Variants in TSHZ2 observed in about 807,000 individuals in gnomAD.
TSHZ2 encodes teashirt homolog 2.
TSHZ2 carries 21 observed loss-of-function variants against 74.4 expected under a neutral mutation model. The ratio of observed to expected loss-of-function variants is 0.28; its 90% CI spans 0.20 to 0.41. TSHZ2 has a LOEUF of 0.41. Among genes scored for constraint, TSHZ2 ranks in the 10% least tolerant of loss-of-function variants. The pLI, the probability that TSHZ2 is intolerant of heterozygous loss-of-function variation, is 1.00. For synonymous variants in TSHZ2, 540 were observed against 515.3 expected, an observed-to-expected ratio of 1.05 and a Z score of -0.65; for missense variants, 1,244 against 1,293.5, an observed-to-expected ratio of 0.96 and a Z score of 0.59.
intron 1 of TSHZ2, among the ~76,000 whole-genome samples, chr20:53,171,883 G>C (rs1196869820): frequency 6.6e-6 from 1 of 152,070 alleles, no homozygotes; most frequent in Non-Finnish European, 1.5e-5. Flanking sequence ...TAAGAAAAGG[G>C]CTTTCCCCCT....
Position 53,255,587 on chromosome 20 carries a change from C to T in TSHZ2, c.2129C>T (p.Thr710Met), listed in dbSNP as rs199692635. Residue 710 changes from threonine (T) to methionine (M), a missense_variant, in exon 2 of 3, where the codon ACG (threonine) becomes ATG (methionine). Transcript: ENST00000371497. This position sits in a 1 kb window ranked among gnomAD's most constrained non-coding sequence, Gnocchi z 4.1. ...SVLNNHLGKA[T>M]EPLRSPSCSS... Reference sequence around the variant, plus strand: ...CTGAACAATCACTTGGGCAAAGCCACGGAGCCCTTGCGCTCACCTTCCTGC... The same window carrying T: ...CTGAACAATCACTTGGGCAAAGCCATGGAGCCCTTGCGCTCACCTTCCTGC... 61 of 1,582,932 alleles carry T rather than the reference C, an allele frequency of 3.9e-5. No individual in the cohort carries two copies. In the East Asian group the frequency reaches 9.2e-4, roughly 24 times the overall value.
chr20:53,346,774 A>T (rs1369550268), intron 2 of TSHZ2, among the ~76,000 whole-genome samples: 1 of 152,228 alleles, frequency 6.6e-6, no homozygotes, highest in African/African-American at 2.4e-5. Flanking sequence ...TCCTACTTTT[A>T]GATATTCTGT....
At chr20:53,210,630 G>A (rs1989281420) in intron 1 of TSHZ2, among the ~76,000 whole-genome samples, 1 of 151,898 alleles carries the variant, frequency 6.6e-6, no homozygotes, top group Non-Finnish European at 1.5e-5. Context: ...ACGACTACAG[G>A]ATGGGGGATA....
At chr20:53,291,231 G>A (rs533623300) in intron 2 of TSHZ2, among the ~76,000 whole-genome samples, 1 of 152,288 alleles carries the variant, frequency 6.6e-6, no homozygotes, top group African/African-American at 2.4e-5. Context: ...CAGCACCTTG[G>A]GAGGCCGAGA....
At position 53,253,684 on chromosome 20, in the gene TSHZ2, A is replaced by C. The variant is rs747303411; in HGVS notation, c.226A>C (p.Asn76His). Residue 76 changes from asparagine (N) to histidine (H), a missense_variant, in exon 2 of 3, where the codon AAT becomes CAT. Physicochemically the swap from Asn to His is moderately conservative, Grantham distance 68 (BLOSUM62 1). This residue lies in a region of TSHZ2 where 470 missense variants were observed against 456.5 expected (regional missense o/e 1.03). Coordinates refer to ENST00000371497, the MANE Select transcript of TSHZ2 (RefSeq NM_173485.6). Reference protein sequence around the residue: ...YQNSPGSHLSNQDAENESLLS... With the variant: ...YQNSPGSHLSHQDAENESLLS... ...GAACTCTCCAGGAAGTCATTTGTCC[A>C]ATCAGGATGCCGAGAACGAGTCTCT... is the stretch of plus-strand genomic sequence containing the variant. The C allele has an allele frequency of 3.1e-6, 5 of 1,614,186 alleles. No individual in the cohort carries two copies. In the South Asian group the frequency reaches 5.5e-5, roughly 18 times the overall value.
At chr20:53,052,337 G>A (rs755969419) in intron 1 of TSHZ2, among the ~76,000 whole-genome samples, 2 of 152,192 alleles carry the variant, frequency 1.3e-5, no homozygotes, top group Non-Finnish European at 2.9e-5. Flanking sequence ...AGGCTCCACA[G>A]CAGGAAGTGA....
intron 2 of TSHZ2, among the ~76,000 whole-genome samples, chr20:53,414,831 G>C (rs796512210): frequency 3.9e-4 from 59 of 152,256 alleles, no homozygotes; most frequent in African/African-American, 1.4e-3. Context: ...AGAGTGACCA[G>C]GCTCCTGAGT....
At chr20:53,209,424 AG>A (rs1989248925) in intron 1 of TSHZ2, among the ~76,000 whole-genome samples, 1 of 152,186 alleles carries the variant, frequency 6.6e-6, no homozygotes, top group South Asian at 2.1e-4. Flanking sequence ...TTCTCCTCCC[AG>A]TACTCTACTG....
At chr20:53,247,183 T>C (rs1990228848) in intron 1 of TSHZ2, among the ~76,000 whole-genome samples, 1 of 152,236 alleles carries the variant, frequency 6.6e-6, no homozygotes, top group Non-Finnish European at 1.5e-5. Flanking sequence ...ATATGTGGCA[T>C]GACAGGGATA....
intron 1 of TSHZ2, among the ~76,000 whole-genome samples, chr20:53,181,087 G>A (rs1166952099): frequency 6.6e-6 from 1 of 152,096 alleles, no homozygotes; most frequent in Non-Finnish European, 1.5e-5. Flanking sequence ...GCTCTTCGCT[G>A]TCTCAGTGTT....
chr20:53,032,826 C>T (rs1002130632), intron 1 of TSHZ2, among the ~76,000 whole-genome samples: 10 of 151,964 alleles, frequency 6.6e-5, no homozygotes, highest in Non-Finnish European at 1.3e-4. Context: ...AGTAAGAATG[C>T]CTGGACATAA....
intron 1 of TSHZ2, among the ~76,000 whole-genome samples, chr20:53,121,429 T>TAA (rs111914591): frequency 6.6e-6 from 1 of 151,780 alleles, no homozygotes; most frequent in Non-Finnish European, 1.5e-5. Flanking sequence ...CAGAGGATTA[T>TAA]GTTTCAGTCC....
intron 1 of TSHZ2, among the ~76,000 whole-genome samples, chr20:53,034,713 G>A (rs1983757378): frequency 6.6e-6 from 1 of 152,214 alleles, no homozygotes; most frequent in African/African-American, 2.4e-5. Flanking sequence ...TGAGGGAACA[G>A]CAAGGGCAAA....
intron 2 of TSHZ2, among the ~76,000 whole-genome samples, chr20:53,387,578 C>G (rs1007437934): frequency 6.6e-6 from 1 of 152,160 alleles, no homozygotes; most frequent in Non-Finnish European, 1.5e-5. Context: ...ACCTCTTTTG[C>G]TCTCAAGTCT....
intron 2 of TSHZ2, among the ~76,000 whole-genome samples, chr20:53,465,549 G>T (rs1047168948): frequency 2.0e-5 from 3 of 151,992 alleles, no homozygotes; most frequent in African/African-American, 7.3e-5. Context: ...AGGATTGTAG[G>T]CATGAGACAC....
chr20:53,025,991 T>TCA (rs1416061551), intron 1 of TSHZ2, among the ~76,000 whole-genome samples: 2 of 152,154 alleles, frequency 1.3e-5, no homozygotes, highest in African/African-American at 2.4e-5. Flanking sequence ...GAGGCTGTGG[T>TCA]ATGGCAGTGT....
intron 1 of TSHZ2, among the ~76,000 whole-genome samples, chr20:53,239,425 T>C (rs1348118999): frequency 6.6e-6 from 1 of 152,150 alleles, no homozygotes; most frequent in Non-Finnish European, 1.5e-5. Flanking sequence ...AAGAAGAACA[T>C]TTATAGAGTC....
chr20:53,351,169 A>G (rs1980631952), intron 2 of TSHZ2, among the ~76,000 whole-genome samples: 1 of 152,242 alleles, frequency 6.6e-6, no homozygotes, highest in African/African-American at 2.4e-5. Flanking sequence ...TGATCTGCCA[A>G]TATCAGCTTT....
At chr20:53,353,226 G>T (rs541843668) in intron 2 of TSHZ2, among the ~76,000 whole-genome samples, 1 of 152,260 alleles carries the variant, frequency 6.6e-6, no homozygotes, top group African/African-American at 2.4e-5. Flanking sequence ...TTCCCCTGAG[G>T]CTGTGACTGC....
Sources: gnomAD v4.1 joint callset for allele counts (sites outside exome capture counted in the v4.1 genomes callset) on GRCh38, gnomAD v4.1.1 for gene constraint, gnomAD v4.1.1 regional missense constraint, Gnocchi (gnomAD v3.1) non-coding constraint, MANE v1.5 for transcripts, NCBI Gene and HGNC (gene_info 2026-07-23, HGNC 2026-07-21) for gene names.